Variants in IRS1 observed in about 807,000 individuals in gnomAD.
IRS1 encodes insulin receptor substrate 1.
In IRS1, 34 loss-of-function variants were observed where a neutral mutation model predicts 65.6. The observed-to-expected ratio is 0.52, with a 90% CI of 0.39 to 0.69. IRS1 has a LOEUF of 0.69. Among genes scored for constraint, IRS1 ranks in the 30% least tolerant of loss-of-function variants. IRS1 has a pLI of 0.00. For missense variants in IRS1, 1,641 were observed against 1,720.2 expected, an observed-to-expected ratio of 0.95 and a Z score of 0.81; for synonymous variants, 699 against 683.5, an observed-to-expected ratio of 1.02 and a Z score of -0.35.
At chr2:226,787,265 G>C (rs78087608) in intron 1 of IRS1, among the ~76,000 whole-genome samples, 1,570 of 152,230 alleles carry the variant, frequency 0.01, 28 homozygotes, top group African/African-American at 0.036. Context: ...TTCCAAATGA[G>C]AGTTCCTTCC....
At chr2:226,785,432 G>A (rs531867384) in intron 1 of IRS1, among the ~76,000 whole-genome samples, 2 of 151,878 alleles carry the variant, frequency 1.3e-5, no homozygotes, top group South Asian at 2.1e-4. Context: ...GTGAAACCCT[G>A]TCTCTACTAA....
At chr2:226,765,047 T>C (rs189207634) in intron 1 of IRS1, among the ~76,000 whole-genome samples, 1 of 152,370 alleles carries the variant, frequency 6.6e-6, no homozygotes, top group East Asian at 1.9e-4. Context: ...TCCTTAGCTC[T>C]CGCAAGCTTA....
chr2:226,791,290 C>T (rs1234933019), intron 1 of IRS1, among the ~76,000 whole-genome samples: 3 of 152,102 alleles, frequency 2.0e-5, no homozygotes, highest in African/African-American at 7.2e-5. Context: ...CCCGCAGCCA[C>T]GTGCGGGACT....
chr2:226,746,847 T>C (rs989276914), intron 1 of IRS1, among the ~76,000 whole-genome samples: 1 of 148,466 alleles, frequency 6.7e-6, no homozygotes, highest in African/African-American at 2.5e-5. Context: ...TGGGCTGCAG[T>C]GGCTTGATCT....
chr2:226,796,566 G>A lies in IRS1; in HGVS notation c.2173C>T (p.Leu725Phe), dbSNP rs756656794. 6.2e-7 allele frequency: 1 copy of A among 1,613,936 alleles called. No homozygotes were observed. Among genetic ancestry groups the A allele is most frequent in the Non-Finnish European group, 8.5e-7 (1 of 1,180,008 alleles). Reference sequence around the variant, plus strand: ...ATGTAGTCACCTGTGCAAGGTAAGAGCTTACCACCGCTGCTCTCCACTGGG... The same window carrying A: ...ATGTAGTCACCTGTGCAAGGTAAGAACTTACCACCGCTGCTCTCCACTGGG... ...KPPVESSGGK[L>F]LPCTGDYMNM... Residue 725 changes from leucine (L) to phenylalanine (F), a missense_variant, in exon 1 of 2, where the codon CTC becomes TTC. Physicochemically the swap from Leu to Phe is conservative, Grantham distance 22 (BLOSUM62 0). Coordinates refer to ENST00000305123, the MANE Select transcript of IRS1 (RefSeq NM_005544.3).
At chr2:226,758,941 G>A (rs570704832) in intron 1 of IRS1, among the ~76,000 whole-genome samples, 35 of 152,204 alleles carry the variant, frequency 2.3e-4, no homozygotes, top group Non-Finnish European at 4.3e-4. Flanking sequence ...TAGCAAAGAT[G>A]CTCATTGCAC....
At chr2:226,793,644 A>G (rs756496937) in intron 1 of IRS1, among the ~76,000 whole-genome samples, 1 of 152,260 alleles carries the variant, frequency 6.6e-6, no homozygotes. Flanking sequence ...ATAGGAAACC[A>G]GGGCACAGAT....
At position 226,735,807 on chromosome 2, in the gene IRS1, G is replaced by A. The variant is rs1938313357; in HGVS notation, c.*465C>T. 1 of 152,620 alleles carries A rather than the reference G, an allele frequency of 6.6e-6. No individual in the cohort carries two copies. Among genetic ancestry groups the A allele is most frequent in the Admixed American group, 6.5e-5 (1 of 15,276 alleles). 9.5% of individuals were successfully genotyped at this position (152,620 alleles called of 1,614,324 possible). On this transcript the variant is annotated 3_prime_UTR_variant, in exon 2 of 2. Coordinates refer to ENST00000305123, the MANE Select transcript of IRS1 (RefSeq NM_005544.3). ...ATTACACATATAAATCAAAACCTAT[G>A]TTAAATATTTAATACTCTCTCCACC...
At chr2:226,759,395 T>C (rs1164368515) in intron 1 of IRS1, among the ~76,000 whole-genome samples, 1 of 152,230 alleles carries the variant, frequency 6.6e-6, no homozygotes, top group Non-Finnish European at 1.5e-5. Context: ...TTCTTGAGCC[T>C]GAAGTTTTCA....
Position 226,745,171 on chromosome 2 carries a change from T to C in IRS1, c.*22-8921A>G, listed in dbSNP as rs144838838. Among the ~76,000 whole-genome samples, 225 of 152,330 alleles carry C rather than the reference T, an allele frequency of 1.5e-3. 1 individual carries two copies. Among genetic ancestry groups the C allele is most frequent in the African/African-American group, 4.7e-3 (195 of 41,580 alleles). ...AATGTAAAAGGAGCAAGGAAAAGTA[T>C]ACCATTCATCTTAGATTTCAGAAGG... On this transcript the variant is annotated intron_variant, in intron 1 of 1. Transcript: ENST00000305123.
intron 1 of IRS1, among the ~76,000 whole-genome samples, chr2:226,786,755 C>A (rs1187448326): frequency 2.0e-5 from 3 of 147,552 alleles, no homozygotes; most frequent in Non-Finnish European, 4.5e-5. Flanking sequence ...TGTGAAGAGA[C>A]CCAGCAAGCT....
chr2:226,732,139 A>C lies in IRS1; in HGVS notation c.*4133T>G, dbSNP rs907920416. 4.6e-5 allele frequency: 7 copies of C among 152,140 alleles called. No individual in the cohort carries two copies. Among genetic ancestry groups the C allele is most frequent in the Non-Finnish European group, 1.0e-4 (7 of 68,040 alleles). 9.4% of individuals were successfully genotyped at this position (152,140 alleles called of 1,614,324 possible). On this transcript the variant is annotated 3_prime_UTR_variant, in exon 2 of 2. Coordinates refer to ENST00000305123, the MANE Select transcript of IRS1 (RefSeq NM_005544.3). ...TCCTCGAGTAGGGTTAAGCACCTCC[A>C]ATATCATTCCACCTCCTCCCTGCCC...
intron 1 of IRS1, among the ~76,000 whole-genome samples, chr2:226,758,372 A>G (rs990922499): frequency 6.6e-6 from 1 of 152,234 alleles, no homozygotes; most frequent in Admixed American, 6.5e-5. Flanking sequence ...GTGATGAGTA[A>G]GTCTAAAATC....
chr2:226,790,388 C>T (rs902897865), intron 1 of IRS1, among the ~76,000 whole-genome samples: 3 of 150,686 alleles, frequency 2.0e-5, no homozygotes, highest in Admixed American at 2.0e-4. Context: ...TCCTGTAGGG[C>T]AATGCTGGAG....
In IRS1 at chr2:226,753,795, T is replaced by TGAAA. The variant is rs1938736961; in HGVS notation, c.*22-17549_*22-17546dup. ...GTTCTAAAGGGGTTTGCTAACTTTT[T>TGAAA]GAAAGTGTTATTTTCTTTTGATAAT... On this transcript the variant is annotated intron_variant, in intron 1 of 1. Coordinates refer to ENST00000305123, the MANE Select transcript of IRS1 (RefSeq NM_005544.3). Among the ~76,000 whole-genome samples, 3 of 152,350 alleles carry TGAAA rather than the reference T, an allele frequency of 2.0e-5. No individual in the cohort carries two copies. In the South Asian group the frequency reaches 6.2e-4, roughly 32 times the overall value.
chr2:226,780,076 T>C (rs371584802), intron 1 of IRS1, among the ~76,000 whole-genome samples: 1 of 152,192 alleles, frequency 6.6e-6, no homozygotes, highest in African/African-American at 2.4e-5. Context: ...AATCACAAAC[T>C]TTCTAACTGA....
intron 1 of IRS1, among the ~76,000 whole-genome samples, chr2:226,789,270 T>C (rs973177465): frequency 6.6e-6 from 1 of 152,198 alleles, no homozygotes; most frequent in Non-Finnish European, 1.5e-5. Context: ...AACAGACTAT[T>C]TTAATGACTT....
intron 1 of IRS1, among the ~76,000 whole-genome samples, chr2:226,739,717 C>G (rs1336797356): frequency 6.6e-6 from 1 of 152,182 alleles, no homozygotes; most frequent in Non-Finnish European, 1.5e-5. Flanking sequence ...CTTAATGAGA[C>G]TAAAGTTCAT....
At chr2:226,758,777 G>T (rs891224280) in intron 1 of IRS1, among the ~76,000 whole-genome samples, 4 of 152,072 alleles carry the variant, frequency 2.6e-5, no homozygotes, top group Admixed American at 2.6e-4. Flanking sequence ...AAGGGATGAG[G>T]TTAAATGATT....
Sources: allele counts gnomAD v4.1 joint callset (sites outside exome capture counted in the v4.1 genomes callset), GRCh38; gene constraint gnomAD v4.1.1; transcripts MANE v1.5; gene names NCBI Gene and HGNC (gene_info 2026-07-23, HGNC 2026-07-21).